Variants in CABIN1 observed in about 807,000 individuals in gnomAD.
CABIN1 encodes the protein calcineurin-binding protein cabin-1.
CABIN1 carries 133 observed loss-of-function variants against 227.7 expected under a neutral mutation model. The observed-to-expected ratio is 0.58, with a 90% CI of 0.51 to 0.67. The LOEUF (loss-of-function observed/expected upper bound fraction) is 0.67. CABIN1 is among the 30% of genes least tolerant of loss of function. The pLI is 0.00. For missense variants in CABIN1, 2,408 were observed against 2,852.5 expected, an observed-to-expected ratio of 0.84 and a Z score of 3.55; for synonymous variants, 1,086 against 1,155.1, an observed-to-expected ratio of 0.94 and a Z score of 1.21.
intron 29 of CABIN1, among the ~76,000 whole-genome samples, chr22:24,154,765 G>T (rs141806747): frequency 6.6e-6 from 1 of 152,334 alleles, no homozygotes; most frequent in Non-Finnish European, 1.5e-5. Flanking sequence ...GAAGGGGCAG[G>T]TTGGACCTGG....
chr22:24,055,868 C>T (rs150323347), intron 9 of CABIN1, among the ~76,000 whole-genome samples: 6 of 152,252 alleles, frequency 3.9e-5, no homozygotes, highest in African/African-American at 1.4e-4. Context: ...TCTGTCCGTT[C>T]TGGGTAACAG....
In CABIN1 at chr22:24,055,155, T is replaced by C; in HGVS notation, c.1089T>C (p.Pro363=). The C allele has an allele frequency of 6.2e-7, 1 of 1,610,818 alleles. No individual in the cohort carries two copies. Among genetic ancestry groups the C allele is most frequent in the Non-Finnish European group, 8.5e-7 (1 of 1,180,014 alleles). The part of the protein sequence containing the change: ...HSPGLLETGA[P]VGDISGGDKS... ...CTGGTCTGTTGGAGACAGGCGCTCC[T>C]GTGGGTAAGCAGGCCCCCTGAATTT... Residue 363 remains proline, a synonymous_variant, in exon 9 of 37, where the codon CCT becomes CCC. Coordinates refer to ENST00000263119, the MANE Select transcript of CABIN1 (RefSeq NM_012295.4).
intron 29 of CABIN1, among the ~76,000 whole-genome samples, chr22:24,150,508 G>A (rs928118523): frequency 6.6e-5 from 10 of 152,318 alleles, no homozygotes; most frequent in East Asian, 3.9e-4. Flanking sequence ...TCAGCAGGCC[G>A]GCTCTGTTCT....
intron 27 of CABIN1, among the ~76,000 whole-genome samples, chr22:24,115,102 G>A (rs565707632): frequency 6.6e-6 from 1 of 152,320 alleles, no homozygotes; most frequent in East Asian, 1.9e-4. Flanking sequence ...CTATAATACA[G>A]CATTTCTGTT....
intron 1 of CABIN1, among the ~76,000 whole-genome samples, chr22:24,013,259 C>T (rs1206412847): frequency 2.4e-5 from 3 of 124,660 alleles, no homozygotes; most frequent in South Asian, 2.5e-4. Context: ...TGCAGTGGTG[C>T]GATCTCGCCT....
chr22:24,072,868 C>T (rs1238412963), intron 18 of CABIN1, among the ~76,000 whole-genome samples: 1 of 152,092 alleles, frequency 6.6e-6, no homozygotes, highest in Admixed American at 6.5e-5. Context: ...GATGGTAAGC[C>T]GAGGGCAGCA....
chr22:24,160,899 C>T (rs780920895), intron 29 of CABIN1, among the ~76,000 whole-genome samples: 3 of 152,254 alleles, frequency 2.0e-5, no homozygotes, highest in Non-Finnish European at 4.4e-5. Flanking sequence ...ACCACCTCCA[C>T]TTAACCAGCT....
At chr22:24,160,070 G>A (rs74856331) in intron 29 of CABIN1, among the ~76,000 whole-genome samples, 2,900 of 152,180 alleles carry the variant, frequency 0.019, 36 homozygotes, top group South Asian at 0.036. Context: ...CTGGCCCCTG[G>A]GTCCTGTCCC....
chr22:24,022,238 G>C (rs1475344094), intron 1 of CABIN1, among the ~76,000 whole-genome samples: 1 of 152,136 alleles, frequency 6.6e-6, no homozygotes, highest in Non-Finnish European at 1.5e-5. Context: ...ATCAGGATAA[G>C]GAACAGTCCA....
intron 24 of CABIN1, among the ~76,000 whole-genome samples, chr22:24,095,576 C>G (rs542285712): frequency 6.6e-6 from 1 of 152,276 alleles, no homozygotes; most frequent in African/African-American, 2.4e-5. Flanking sequence ...AACTCACTTT[C>G]TATGGGTGCC....
intron 29 of CABIN1, among the ~76,000 whole-genome samples, chr22:24,144,988 A>T (rs572606876): frequency 5.9e-5 from 9 of 152,218 alleles, no homozygotes; most frequent in African/African-American, 2.2e-4. Flanking sequence ...GAATGACAGG[A>T]GAGTGACGTT....
intron 18 of CABIN1, among the ~76,000 whole-genome samples, chr22:24,073,926 C>T (rs541186372): frequency 1.4e-4 from 21 of 152,288 alleles, no homozygotes; most frequent in African/African-American, 4.6e-4. Context: ...GAACCATCCC[C>T]GCTGCTGAAC....
chr22:24,152,128 G>A (rs576289546), intron 29 of CABIN1, among the ~76,000 whole-genome samples: 2 of 152,362 alleles, frequency 1.3e-5, no homozygotes, highest in South Asian at 2.1e-4. Flanking sequence ...AGGCACAGCT[G>A]TCCACTGAGA....
At chr22:24,142,375 G>A (rs555376904) in intron 29 of CABIN1, among the ~76,000 whole-genome samples, 3 of 151,820 alleles carry the variant, frequency 2.0e-5, no homozygotes, top group East Asian at 3.9e-4. Flanking sequence ...GAATTCCCTA[G>A]GACGAATGAC....
chr22:24,149,418 T>C (rs1286270100), intron 29 of CABIN1, among the ~76,000 whole-genome samples: 5 of 152,112 alleles, frequency 3.3e-5, no homozygotes, highest in Non-Finnish European at 5.9e-5. Flanking sequence ...CACACAACAC[T>C]GCCATTGTGT....
In CABIN1 at chr22:24,178,012, C is replaced by A. The variant is rs2047214792; in HGVS notation, c.6520-41C>A. ...TGGCAGAGGGGCTTGGGGCAGAGCC[C>A]AGCCATCCTTGACCAGTGCCCCGCC... is the stretch of plus-strand genomic sequence containing the variant. On this transcript the variant is annotated intron_variant, in intron 36 of 36. Transcript: ENST00000263119. The A allele has an allele frequency of 5.0e-6, 8 of 1,611,476 alleles. No individual in the cohort carries two copies. The African/African-American group carries it at 8.0e-5, about 16-fold the overall frequency.
intron 29 of CABIN1, among the ~76,000 whole-genome samples, chr22:24,140,943 G>A (rs1270479401): frequency 6.6e-6 from 1 of 152,164 alleles, no homozygotes; most frequent in Non-Finnish European, 1.5e-5. Context: ...GCACAGGCAG[G>A]CACAGCTCCC....
At chr22:24,123,080 C>T (rs375663706) in intron 28 of CABIN1, among the ~76,000 whole-genome samples, 50 of 152,244 alleles carry the variant, frequency 3.3e-4, no homozygotes, top group South Asian at 2.5e-3. Context: ...AATGCCCCCT[C>T]GCCAGGTCAT....
rs1208190157 is a variant in CABIN1, at chr22:24,177,239, A to G, written c.6206-265A>G. Among the ~76,000 whole-genome samples, 3 of 152,216 alleles carry G rather than the reference A, an allele frequency of 2.0e-5. No individual in the cohort carries two copies. Among genetic ancestry groups the G allele is most frequent in the African/African-American group, 2.4e-5 (1 of 41,444 alleles). Reference sequence around the variant, plus strand: ...GGTCTTACAGAACCCAGCAAGGCTCAGGGAGTCTCAGGTCCTGGGCTTTGA... The same window carrying G: ...GGTCTTACAGAACCCAGCAAGGCTCGGGGAGTCTCAGGTCCTGGGCTTTGA... On this transcript the variant is annotated intron_variant, in intron 35 of 36. Transcript: ENST00000263119. This position sits in a 1 kb window ranked among gnomAD's most constrained non-coding sequence, Gnocchi z 4.4.
Sources: allele counts gnomAD v4.1 joint callset (sites outside exome capture counted in the v4.1 genomes callset), GRCh38; gene constraint gnomAD v4.1.1; non-coding constraint Gnocchi (gnomAD v3.1); transcripts MANE v1.5; gene names NCBI Gene and HGNC (gene_info 2026-07-23, HGNC 2026-07-21).